Variants in PITPNA observed in about 807,000 individuals in gnomAD.
PITPNA encodes the protein phosphatidylinositol transfer protein alpha, also known as phosphatidylinositol transfer protein alpha isoform.
PITPNA carries 13 observed loss-of-function variants against 50.3 expected under a neutral mutation model. The ratio of observed to expected loss-of-function variants is 0.26; its 90% CI spans 0.17 to 0.41. The LOEUF is 0.41. PITPNA is among the 10% of genes least tolerant of loss of function. PITPNA has a pLI of 1.00. For missense variants in PITPNA, 207 were observed against 333.4 expected (o/e 0.62, Z 2.95); for synonymous variants, 120 against 119.6 (o/e 1.00, Z -0.02).
intron 9 of PITPNA, 137 bp downstream of exon 9, chr17:1,535,045 C>T: frequency 1.6e-6 from 1 of 632,284 alleles, no homozygotes; most frequent in Non-Finnish European, 2.9e-6. Flanking sequence ...TGAAGTTCTC[C>T]ACCACCCCCC....
chr17:1,559,657 C>G (rs2075758531), intron 1 of PITPNA: 1 of 461,130 alleles, frequency 2.2e-6, no homozygotes, highest in East Asian at 1.5e-4. Context: ...GCTCACCACT[C>G]AGGCTCCTTG....
intron 10 of PITPNA, among the ~76,000 whole-genome samples, chr17:1,529,276 A>T (rs2075567357): frequency 6.6e-6 from 1 of 151,860 alleles, no homozygotes; most frequent in Non-Finnish European, 1.5e-5. Flanking sequence ...TAATCCCAGC[A>T]CTTTGGGAGG....
intron 10 of PITPNA, among the ~76,000 whole-genome samples, chr17:1,529,022 C>A (rs1395945178): frequency 6.6e-6 from 1 of 151,562 alleles, no homozygotes; most frequent in Non-Finnish European, 1.5e-5. Flanking sequence ...CCTGTAATCC[C>A]AGCTACTTGG....
intron 1 of PITPNA, among the ~76,000 whole-genome samples, chr17:1,560,110 G>C (rs900200509): frequency 2.0e-5 from 3 of 152,244 alleles, no homozygotes; most frequent in Non-Finnish European, 4.4e-5. Context: ...GCAACCTGCA[G>C]ACGCTGGGTG....
intron 10 of PITPNA, among the ~76,000 whole-genome samples, chr17:1,528,061 T>G (rs991913220): frequency 6.6e-6 from 1 of 152,142 alleles, no homozygotes; most frequent in Admixed American, 6.5e-5. Context: ...CGTGGTGGCC[T>G]GCACCTGTAG....
rs773388501 is a variant in PITPNA, at chr17:1,538,929, C to A, written c.396G>T (p.Ala132=). 1 of 1,613,554 alleles carries A rather than the reference C, an allele frequency of 6.2e-7. No individual in the cohort carries two copies. ...TATATACGGCTTCCACGTGTTTCCA[C>A]GCCTCAGGCTCCAGCTTATGCACCT... is the stretch of plus-strand genomic sequence containing the variant. ...QENVHKLEPE[A]WKHVEAVYID... The change falls in exon 7 of 12, where the codon GCG becomes GCT. Residue 132 remains alanine, a synonymous_variant. Transcript: ENST00000313486.
intron 4 of PITPNA, among the ~76,000 whole-genome samples, chr17:1,547,048 T>C (rs2075678434): frequency 6.6e-6 from 1 of 152,100 alleles, no homozygotes; most frequent in Non-Finnish European, 1.5e-5. Flanking sequence ...GAAAATGTTA[T>C]CCATTCACTG....
At chr17:1,530,828 G>A (rs1359432717) in intron 10 of PITPNA, among the ~76,000 whole-genome samples, 1 of 152,226 alleles carries the variant, frequency 6.6e-6, no homozygotes, top group Admixed American at 6.5e-5. Context: ...AATTTGCAGA[G>A]CAGCAAAAGC....
intron 7 of PITPNA, among the ~76,000 whole-genome samples, chr17:1,536,505 G>A (rs1257834535): frequency 1.3e-5 from 2 of 152,090 alleles, no homozygotes; most frequent in East Asian, 1.9e-4. Flanking sequence ...TAGCCAGGAT[G>A]GTCTCGATCT....
chr17:1,537,256 G>C (rs1006327155), intron 7 of PITPNA, among the ~76,000 whole-genome samples: 2 of 152,214 alleles, frequency 1.3e-5, no homozygotes, highest in African/African-American at 4.8e-5. Flanking sequence ...GTAGAGACAG[G>C]GTTTCACCAT....
chr17:1,546,009 C>A (rs762763463), intron 4 of PITPNA, among the ~76,000 whole-genome samples: 1 of 150,108 alleles, frequency 6.7e-6, no homozygotes, highest in African/African-American at 2.5e-5. Context: ...CTCACTGTAA[C>A]CTCCGCCTCC....
intron 10 of PITPNA, among the ~76,000 whole-genome samples, chr17:1,522,071 C>CTTTTTTTT (rs1555530261): frequency 2.1e-5 from 3 of 141,618 alleles, no homozygotes; most frequent in African/African-American, 8.1e-5. Context: ...TATGAAACAT[C>CTTTTTTTT]TTTTTTTTTT....
At chr17:1,549,164 C>T (rs1286421594) in intron 3 of PITPNA, among the ~76,000 whole-genome samples, 1 of 151,980 alleles carries the variant, frequency 6.6e-6, no homozygotes, top group Non-Finnish European at 1.5e-5. Context: ...CCTTGGCCTC[C>T]CACGGTGCTG....
At chr17:1,537,195 C>T (rs1474949997) in intron 7 of PITPNA, among the ~76,000 whole-genome samples, 1 of 152,038 alleles carries the variant, frequency 6.6e-6, no homozygotes, top group Non-Finnish European at 1.5e-5. Context: ...TCCTAAGTAG[C>T]TGGGATTACA....
At chr17:1,542,546 G>A (rs1368030141) in intron 5 of PITPNA, among the ~76,000 whole-genome samples, 16 of 152,184 alleles carry the variant, frequency 1.1e-4, no homozygotes, top group Non-Finnish European at 1.8e-4. Flanking sequence ...AGTGTTTACC[G>A]GCAGGGACAA....
At chr17:1,525,549 C>T (rs866474533) in intron 10 of PITPNA, among the ~76,000 whole-genome samples, 14 of 131,786 alleles carry the variant, frequency 1.1e-4, no homozygotes, top group Admixed American at 2.7e-4. Context: ...CTCACTCTGT[C>T]GCTCTGTCGC....
chr17:1,550,212 G>T (rs751553668), intron 3 of PITPNA, among the ~76,000 whole-genome samples: 3 of 152,162 alleles, frequency 2.0e-5, no homozygotes, highest in Non-Finnish European at 2.9e-5. Flanking sequence ...CACCCTCAAG[G>T]AGTTTCCGGT....
rs1410934782 is a variant in PITPNA at position 1,562,014 on chromosome 17, G to C, written c.20+527C>G. Among the ~76,000 whole-genome samples, 1 of 152,024 alleles carries C rather than the reference G, an allele frequency of 6.6e-6. No homozygotes were observed. The highest frequency in any genetic ancestry group is 6.5e-5 in the Admixed American group (1 of 15,270). On this transcript the variant is annotated intron_variant, in intron 1 of 11. Transcript: ENST00000313486. The surrounding 1 kb of genome is among the most constrained non-coding windows in gnomAD (Gnocchi z 6.4). ...CAGCGCCGCCTGCAGTCCCGGCTGA[G>C]CCCGCGCCCTCGGCCCGCGCAGAGC...
At chr17:1,533,836 G>C (rs2075598340) in intron 10 of PITPNA, among the ~76,000 whole-genome samples, 1 of 152,100 alleles carries the variant, frequency 6.6e-6, no homozygotes, top group Non-Finnish European at 1.5e-5. Context: ...TGTAGCAGCT[G>C]TATTACCCAC....
Sources: gnomAD v4.1 joint callset for allele counts (sites outside exome capture counted in the v4.1 genomes callset) on GRCh38, gnomAD v4.1.1 for gene constraint, Gnocchi (gnomAD v3.1) non-coding constraint, MANE v1.5 for transcripts, NCBI Gene and HGNC (gene_info 2026-07-23, HGNC 2026-07-21) for gene names.